EME2: variants seen among roughly 807,000 people sequenced by gnomAD.
The protein encoded by EME2 is structure-specific endonuclease subunit EME2.
In EME2, 58 loss-of-function variants were observed where a neutral mutation model predicts 41.9. The ratio of observed to expected loss-of-function variants is 1.38; its 90% CI spans 1.12 to 1.72. The LOEUF is 1.72. Among genes scored for constraint, EME2 ranks in the 40% most tolerant of loss-of-function variants. EME2 has a pLI of 0.00. For missense variants in EME2, 695 were observed against 541.9 expected (o/e 1.28, Z -2.81); for synonymous variants, 334 against 239.3 (o/e 1.40, Z -3.65).
In EME2 at chr16:1,773,065, G is replaced by A. The variant is rs1198610844; in HGVS notation, c.-163G>A. 9 of 1,417,186 alleles carry A rather than the reference G, an allele frequency of 6.4e-6. No homozygotes were observed. The highest frequency in any genetic ancestry group is 7.4e-6 in the Non-Finnish European group (8 of 1,088,030). 87.8% of individuals were successfully genotyped at this position (1,417,186 alleles called of 1,614,324 possible). On this transcript the variant is annotated 5_prime_UTR_variant, in exon 1 of 8. Transcript: ENST00000568449. ...CTGTTCAGTTGCTCCCGCAGGGCGC[G>A]CACGCGGCGGGCCAGCTCCGCGATC...
chr16:1,777,418 G>A lies in EME2; in HGVS notation c.*1180G>A. The A allele has an allele frequency of 3.2e-6, 5 of 1,550,334 alleles. No individual in the cohort carries two copies. The highest frequency in any genetic ancestry group is 3.5e-6 in the Non-Finnish European group (4 of 1,150,530). On this transcript the variant is annotated 3_prime_UTR_variant, in exon 8 of 8. Coordinates refer to ENST00000568449, the MANE Select transcript of EME2 (RefSeq NM_001257370.2). ...AGCACACCATCGGGTAGAATCTCTT[G>A]TTCTGCAGCTTGGTGGCTGCCACAC...
chr16:1,777,164 G>A lies in EME2; in HGVS notation c.*926G>A, dbSNP rs372455801. 6.9e-5 allele frequency: 111 copies of A among 1,610,820 alleles called. No individual in the cohort carries two copies. The highest frequency in any genetic ancestry group is 8.6e-5 in the Non-Finnish European group (101 of 1,179,852). On this transcript the variant is annotated 3_prime_UTR_variant, in exon 8 of 8. Coordinates refer to ENST00000568449, the MANE Select transcript of EME2 (RefSeq NM_001257370.2). ...GCGACTGCTGGGGTGGGCGGAGGTC[G>A]CTGCCTGGGGATCGGACACTGGAGC... is the stretch of plus-strand genomic sequence containing the variant.
chr16:1,778,210 C>G lies in EME2; in HGVS notation c.*1972C>G. On this transcript the variant is annotated 3_prime_UTR_variant, in exon 8 of 8. Transcript: ENST00000568449. ...GCCCTCCCCCAGCTCCTTGGTGCCC[C>G]GGATGGCCGCTGTGCCGCAGCTGTA... is the stretch of plus-strand genomic sequence containing the variant. 1 of 1,612,906 alleles carries G rather than the reference C, an allele frequency of 6.2e-7. No individual in the cohort carries two copies. The highest frequency in any genetic ancestry group is 8.5e-7 in the Non-Finnish European group (1 of 1,179,936).
At chr16:1,775,156 A>C (rs964735532) in intron 4 of EME2, 24 bp downstream of exon 4, 2 of 1,610,174 alleles carry the variant, frequency 1.2e-6, no homozygotes, top group African/African-American at 2.7e-5. Flanking sequence ...TCATGCCCAC[A>C]GCAGGGCTGG....
chr16:1,778,026 T>C lies in EME2; in HGVS notation c.*1788T>C. 2.5e-6 allele frequency: 4 copies of C among 1,613,120 alleles called. No individual in the cohort carries two copies. The highest frequency in any genetic ancestry group is 3.4e-6 in the Non-Finnish European group (4 of 1,179,982). ...GTGGCGGTATTTGTCCAGGTCCACA[T>C]CCGACGTCCCGATGCCCACCATCTA... On this transcript the variant is annotated 3_prime_UTR_variant, in exon 8 of 8. Transcript: ENST00000568449.
Position 1,781,634 on chromosome 16 carries a change from C to T in EME2, c.*5396C>T, listed in dbSNP as rs545831207. 3 of 879,584 alleles carry T rather than the reference C, an allele frequency of 3.4e-6. No individual in the cohort carries two copies. The East Asian group carries it at 8.0e-5, about 23-fold the overall frequency. The allele number at this position is 879,584 out of a possible 1,614,324, so 54.5% of individuals were successfully genotyped here. The stretch of plus-strand genomic sequence containing the variant: ...GCCCAGCCAGGGCTCCAGAACGCTT[C>T]AGGAGCCCGTACCTCACTCCAGGAT... On this transcript the variant is annotated 3_prime_UTR_variant, in exon 8 of 8. Coordinates refer to ENST00000568449, the MANE Select transcript of EME2 (RefSeq NM_001257370.2).
Position 1,777,612 on chromosome 16 carries a change from C to A in EME2, c.*1374C>A. 6.9e-7 allele frequency: 1 copy of A among 1,449,206 alleles called. No individual in the cohort carries two copies. Among genetic ancestry groups the A allele is most frequent in the Non-Finnish European group, 9.3e-7 (1 of 1,079,532 alleles). The allele number at this position is 1,449,206 out of a possible 1,614,324, so 89.8% of individuals were successfully genotyped here. On this transcript the variant is annotated 3_prime_UTR_variant, in exon 8 of 8. Transcript: ENST00000568449. The stretch of plus-strand genomic sequence containing the variant: ...CTCCAGCCTGGCCTCACTGTCCCAC[C>A]CCCTGGGACCCTGGGGCCTCAGGCT...
rs2042734394 is a variant in EME2 at position 1,777,681 on chromosome 16, G to A, written c.*1443G>A. On this transcript the variant is annotated 3_prime_UTR_variant, in exon 8 of 8. Transcript: ENST00000568449. ...AGAAAACCTCAGTGTCCCCTGGGCT[G>A]GGGCGGGGTGGCTGCCTCCCTCGGG... The A allele has an allele frequency of 1.9e-6, 3 of 1,593,754 alleles. No homozygotes were observed. Among genetic ancestry groups the A allele is most frequent in the Non-Finnish European group, 2.6e-6 (3 of 1,169,220 alleles).
rs771627103 is a variant in EME2, at chr16:1,781,186, G to C, written c.*4948G>C. The C allele has an allele frequency of 6.5e-6, 10 of 1,541,552 alleles. No homozygotes were observed. The highest frequency in any genetic ancestry group is 2.4e-5 in the East Asian group (1 of 41,290). The stretch of plus-strand genomic sequence containing the variant: ...TGTGTGTCCTTTGCCAAATTAAAGA[G>C]TCTTACTGAATGCGGTGCATCCAGG... On this transcript the variant is annotated 3_prime_UTR_variant, in exon 8 of 8. Transcript: ENST00000568449.
At position 1,777,184 on chromosome 16, in the gene EME2, T is replaced by C. The variant is rs772916238; in HGVS notation, c.*946T>C. On this transcript the variant is annotated 3_prime_UTR_variant, in exon 8 of 8. Transcript: ENST00000568449. ...AGGTCGCTGCCTGGGGATCGGACAC[T>C]GGAGCCTTGCGGCGGCTGCAACTCA... The C allele has an allele frequency of 1.9e-6, 3 of 1,610,732 alleles. No individual in the cohort carries two copies. Among genetic ancestry groups the C allele is most frequent in the African/African-American group, 2.7e-5 (2 of 74,902 alleles).
Position 1,772,990 on chromosome 16 carries a change from G to T in EME2, c.-238G>T. 2 of 1,453,078 alleles carry T rather than the reference G, an allele frequency of 1.4e-6. No individual in the cohort carries two copies. Among genetic ancestry groups the T allele is most frequent in the Non-Finnish European group, 9.1e-7 (1 of 1,104,108 alleles). 90.0% of individuals were successfully genotyped at this position (1,453,078 alleles called of 1,614,324 possible). ...ACCGGCAGCCGGCGTCCAGAGAACG[G>T]CCGCGTCAAGGTCTCGTAGTCCACC... is the stretch of plus-strand genomic sequence containing the variant. On this transcript the variant is annotated 5_prime_UTR_variant, in exon 1 of 8. Coordinates refer to ENST00000568449, the MANE Select transcript of EME2 (RefSeq NM_001257370.2).
Position 1,781,489 on chromosome 16 carries a change from A to G in EME2, c.*5251A>G. 1 of 1,611,764 alleles carries G rather than the reference A, an allele frequency of 6.2e-7. No homozygotes were observed. Among genetic ancestry groups the G allele is most frequent in the South Asian group, 1.1e-5 (1 of 91,024 alleles). On this transcript the variant is annotated 3_prime_UTR_variant, in exon 8 of 8. Transcript: ENST00000568449. ...TTCCGGGGGCGTCTGGCCATGGTGGAAAGAATCTAGAAGAAAACACAGGCT... is the reference window on the plus strand; with the variant it reads ...TTCCGGGGGCGTCTGGCCATGGTGGGAAGAATCTAGAAGAAAACACAGGCT...
Position 1,780,834 on chromosome 16 carries a change from G to A in EME2, c.*4596G>A. On this transcript the variant is annotated 3_prime_UTR_variant, in exon 8 of 8. Transcript: ENST00000568449. ...TGCAGCCTTGACCTCCCTGGCTCAA[G>A]CAATCCTCCCAGCTCAGCCTCCTGA... is the stretch of plus-strand genomic sequence containing the variant. The A allele has an allele frequency of 3.5e-6, 1 of 289,800 alleles. No individual in the cohort carries two copies. Among genetic ancestry groups the A allele is most frequent in the Non-Finnish European group, 6.8e-6 (1 of 147,876 alleles). The allele number at this position is 289,800 out of a possible 1,614,324, so 18.0% of individuals were successfully genotyped here. A position where few individuals can be genotyped will look rare whatever the true frequency, so the allele number is the denominator to read the frequency against.
In EME2 at chr16:1,776,218, C is replaced by T; in HGVS notation, c.1120C>T (p.Leu374=). ...CCTGACCACAGCCAACCCTGATCTC[C>T]TGCTGGACCTGGGCTCCTGACCACA... ...LFLTTANPDL[L]LDLGS Residue 374 remains leucine, a synonymous_variant, in exon 8 of 8, where the codon CTG becomes TTG. Transcript: ENST00000568449. 1 of 1,612,568 alleles carries T rather than the reference C, an allele frequency of 6.2e-7. No homozygotes were observed. Among genetic ancestry groups the T allele is most frequent in the Non-Finnish European group, 8.5e-7 (1 of 1,179,946 alleles).
Position 1,772,924 on chromosome 16 carries a change from G to C in EME2, c.-304G>C, listed in dbSNP as rs1025859109. 3 of 1,448,734 alleles carry C rather than the reference G, an allele frequency of 2.1e-6. No individual in the cohort carries two copies. Among genetic ancestry groups the C allele is most frequent in the African/African-American group, 3.0e-5 (2 of 67,230 alleles). 89.7% of individuals were successfully genotyped at this position (1,448,734 alleles called of 1,614,324 possible). On this transcript the variant is annotated 5_prime_UTR_variant, in exon 1 of 8. Coordinates refer to ENST00000568449, the MANE Select transcript of EME2 (RefSeq NM_001257370.2). ...AAGAGCGGGAGGCGGCCGAGCAGCT[G>C]CAAGAGGCGGCTCTCGCGGCGCACG...
chr16:1,781,558 A>G lies in EME2; in HGVS notation c.*5320A>G. ...ACAGCACTCCCAGCCCTGAGCTTCC[A>G]GGCTGGGCCACGGACCCACTCAAAG... On this transcript the variant is annotated 3_prime_UTR_variant, in exon 8 of 8. Transcript: ENST00000568449. The G allele has an allele frequency of 1.9e-6, 3 of 1,549,174 alleles. No homozygotes were observed. The highest frequency in any genetic ancestry group is 1.8e-6 in the Non-Finnish European group (2 of 1,142,634).
At position 1,773,375 on chromosome 16, in the gene EME2, G is replaced by C. The variant is rs1449539615; in HGVS notation, c.148G>C (p.Ala50Pro). The C allele has an allele frequency of 2.6e-6, 4 of 1,548,230 alleles. No homozygotes were observed. The African/African-American group carries it at 4.2e-5, about 16-fold the overall frequency. Residue 50 changes from alanine (A) to proline (P), a missense_variant, in exon 1 of 8, where the codon GCC becomes CCC. Physicochemically the swap from Ala to Pro is conservative, Grantham distance 27. Coordinates refer to ENST00000568449, the MANE Select transcript of EME2 (RefSeq NM_001257370.2). ...DSAGSEAAARARDPAGERRAA... is the reference protein window; with the variant it reads ...DSAGSEAAARPRDPAGERRAA... ...CGCCGGCTCGGAGGCCGCCGCGAGA[G>C]CCCGGGACCCAGCGGGTGAGCGCAG...
rs2042730319 is a variant in EME2, at chr16:1,777,400, C to T, written c.*1162C>T. 1.9e-6 allele frequency: 3 copies of T among 1,579,538 alleles called. No individual in the cohort carries two copies. The highest frequency in any genetic ancestry group is 2.6e-6 in the Non-Finnish European group (3 of 1,165,562). On this transcript the variant is annotated 3_prime_UTR_variant, in exon 8 of 8. Coordinates refer to ENST00000568449, the MANE Select transcript of EME2 (RefSeq NM_001257370.2). ...TGCTCCGGGCCGCCGTGGAGCACAC[C>T]ATCGGGTAGAATCTCTTGTTCTGCA... is the stretch of plus-strand genomic sequence containing the variant.
rs1896698771 is a variant in EME2, at chr16:1,781,286, A to ATGTC, written c.*5051_*5054dup. 6.2e-7 allele frequency: 1 copy of ATGTC among 1,611,950 alleles called. No homozygotes were observed. The highest frequency in any genetic ancestry group is 1.3e-5 in the African/African-American group (1 of 74,900). Reference sequence around the variant, plus strand: ...CTCCGACTGATTCCGTGTTCAGGTAATGTCTGCCTGCCTGCCTAGGGCATC... The same window carrying ATGTC: ...CTCCGACTGATTCCGTGTTCAGGTAATGTCTGTCTGCCTGCCTGCCTAGGGCATC... On this transcript the variant is annotated 3_prime_UTR_variant, in exon 8 of 8. Coordinates refer to ENST00000568449, the MANE Select transcript of EME2 (RefSeq NM_001257370.2).
Sources: gnomAD v4.1 joint callset for allele counts on GRCh38, gnomAD v4.1.1 for gene constraint, MANE v1.5 for transcripts, NCBI Gene and HGNC (gene_info 2026-07-23, HGNC 2026-07-21) for gene names.